The following USP49 variants were observed in gnomAD, a reference collection of about 807,000 sequenced individuals.
The protein encoded by USP49 is ubiquitin specific peptidase 49.
A neutral mutation model predicts 58.6 loss-of-function variants in USP49; 24 were observed. The ratio of observed to expected loss-of-function variants is 0.41; its 90% confidence interval spans 0.30 to 0.58. The LOEUF (loss-of-function observed/expected upper bound fraction) is 0.58. USP49 is among the 20% of genes least tolerant of loss of function. USP49 has a pLI of 0.30. For synonymous variants in USP49, 408 were observed against 365.1 expected (o/e 1.12, Z -1.34); for missense variants, 703 against 866.1 (o/e 0.81, Z 2.36).
At chr6:41,854,971 G>A (rs866762549) in intron 3 of USP49, among the ~76,000 whole-genome samples, 3 of 151,818 alleles carry the variant, frequency 2.0e-5, no homozygotes, top group Non-Finnish European at 2.9e-5. Flanking sequence ...ATGGGGTTTC[G>A]CTACGTTGGC....
chr6:41,821,910 A>G (rs1159006106), intron 3 of USP49, among the ~76,000 whole-genome samples: 1 of 152,166 alleles, frequency 6.6e-6, no homozygotes. Flanking sequence ...AGTCACATAA[A>G]GGTTACCCCC....
At chr6:41,827,641 T>A (rs987440503) in intron 3 of USP49, among the ~76,000 whole-genome samples, 1 of 106,130 alleles carries the variant, frequency 9.4e-6, no homozygotes, top group Admixed American at 1.4e-4. Context: ...GCCTGGGCAA[T>A]AGAGCAAGGG....
intron 2 of USP49, among the ~76,000 whole-genome samples, chr6:41,872,365 G>A (rs950928983): frequency 1.3e-5 from 2 of 152,194 alleles, no homozygotes; most frequent in East Asian, 3.9e-4. Context: ...ATATGTTCCC[G>A]GCCGGGCGTC....
chr6:41,861,348 C>T (rs1016529760), intron 3 of USP49, among the ~76,000 whole-genome samples: 2 of 151,710 alleles, frequency 1.3e-5, no homozygotes, highest in African/African-American at 2.4e-5. Context: ...GAGGCTGAGG[C>T]AGGAAAATCG....
chr6:41,798,704 A>G lies in USP49; in HGVS notation c.1876+20T>C, dbSNP rs773681855. 2 of 1,614,106 alleles carry G rather than the reference A, an allele frequency of 1.2e-6. No homozygotes were observed. The highest frequency in any genetic ancestry group is 2.7e-5 in the African/African-American group (2 of 75,028). On this transcript the variant is annotated intron_variant, in intron 7 of 7. Coordinates refer to ENST00000682992, the MANE Select transcript of USP49 (RefSeq NM_001286554.2). Reference sequence around the variant, plus strand: ...AACCCCTTTCCGTGTCCCCCACCCCACAGAGTAAAGCGCACGCACCTCCCT... The same window carrying G: ...AACCCCTTTCCGTGTCCCCCACCCCGCAGAGTAAAGCGCACGCACCTCCCT...
At chr6:41,799,656 C>T (rs375699204) in intron 6 of USP49, among the ~76,000 whole-genome samples, 174 bp downstream of exon 6, 1 of 152,172 alleles carries the variant, frequency 6.6e-6, no homozygotes, top group Non-Finnish European at 1.5e-5. Context: ...TGCTGGGCTC[C>T]CACATCAATT....
At chr6:41,877,418 T>C (rs1774520939) in intron 2 of USP49, among the ~76,000 whole-genome samples, 1 of 152,206 alleles carries the variant, frequency 6.6e-6, no homozygotes, top group African/African-American at 2.4e-5. Flanking sequence ...ACAGTATACA[T>C]GGAATGGCAA....
chr6:41,870,765 G>C (rs1774400503), intron 3 of USP49, among the ~76,000 whole-genome samples: 1 of 147,884 alleles, frequency 6.8e-6, no homozygotes, highest in Non-Finnish European at 1.5e-5. Context: ...TCTCAGCCAG[G>C]CACAGTGGCT....
At chr6:41,879,974 T>C (rs766034015) in intron 2 of USP49, among the ~76,000 whole-genome samples, 3 of 152,200 alleles carry the variant, frequency 2.0e-5, no homozygotes, top group Admixed American at 6.5e-5. Context: ...GCCAAAGCTA[T>C]ACTTTTAAGG....
At chr6:41,885,329 A>G (rs1209149746) in intron 2 of USP49, among the ~76,000 whole-genome samples, 1 of 152,190 alleles carries the variant, frequency 6.6e-6, no homozygotes, top group Non-Finnish European at 1.5e-5. Flanking sequence ...AACAAAAAAA[A>G]TTACCCGTTC....
chr6:41,870,723 G>T (rs1774399653), intron 3 of USP49, among the ~76,000 whole-genome samples: 1 of 137,552 alleles, frequency 7.3e-6, no homozygotes, highest in African/African-American at 2.7e-5. Flanking sequence ...ATGAGGTCTT[G>T]CTATATTGCC....
chr6:41,840,905 C>G (rs1343282305), intron 3 of USP49, among the ~76,000 whole-genome samples: 1 of 151,832 alleles, frequency 6.6e-6, no homozygotes, highest in Non-Finnish European at 1.5e-5. Context: ...GTAGTCCTAG[C>G]TATGCAGGAT....
intron 2 of USP49, among the ~76,000 whole-genome samples, chr6:41,877,936 C>A (rs1293659808): frequency 6.6e-6 from 1 of 151,802 alleles, no homozygotes; most frequent in African/African-American, 2.4e-5. Context: ...TTATAAAATT[C>A]TTTTTTTAGA....
intron 3 of USP49, among the ~76,000 whole-genome samples, chr6:41,827,284 T>C (rs1773555719): frequency 6.6e-6 from 1 of 152,176 alleles, no homozygotes; most frequent in African/African-American, 2.4e-5. Flanking sequence ...TAATGCCACC[T>C]GGGAGGGCTC....
At chr6:41,885,614 C>A (rs1774695977) in intron 2 of USP49, among the ~76,000 whole-genome samples, 1 of 152,146 alleles carries the variant, frequency 6.6e-6, no homozygotes. Context: ...GCCTGGCCAA[C>A]ATGTCGAAAC....
intron 7 of USP49, among the ~76,000 whole-genome samples, chr6:41,797,242 G>A (rs150028960): frequency 0.031 from 4,742 of 152,098 alleles, 128 homozygotes; most frequent in African/African-American, 0.064. Context: ...TTACAGGCGT[G>A]AGCCACCGCA....
chr6:41,878,799 C>T (rs1235802306), intron 2 of USP49, among the ~76,000 whole-genome samples: 1 of 152,132 alleles, frequency 6.6e-6, no homozygotes, highest in Non-Finnish European at 1.5e-5. Flanking sequence ...TTCATGTACA[C>T]TTGCTCAGTT....
intron 3 of USP49, among the ~76,000 whole-genome samples, chr6:41,850,567 G>A (rs1021737213): frequency 7.3e-5 from 11 of 151,326 alleles, no homozygotes. Flanking sequence ...ATAAACAATT[G>A]CACACCAACA....
chr6:41,894,343 C>T (rs914418058), intron 1 of USP49: 3 of 152,358 alleles, frequency 2.0e-5, no homozygotes, highest in African/African-American at 7.2e-5. Flanking sequence ...CCAGAATCGT[C>T]CTACAGACAC....
Sources: gnomAD v4.1 joint callset for allele counts (sites outside exome capture counted in the v4.1 genomes callset) on GRCh38, gnomAD v4.1.1 for gene constraint, MANE v1.5 for transcripts, NCBI Gene and HGNC (gene_info 2026-07-23, HGNC 2026-07-21) for gene names.